EFHD1: variants seen among roughly 807,000 people sequenced by gnomAD.
EFHD1 encodes EF-hand domain-containing protein D1.
EFHD1 carries 10 observed loss-of-function variants against 17.2 expected under a neutral mutation model. That is an observed-to-expected ratio of 0.58 (90% confidence interval 0.36 to 0.99). The LOEUF (loss-of-function observed/expected upper bound fraction) is 0.99. Among genes scored for constraint, EFHD1 ranks in the 50% least tolerant of loss-of-function variants. The pLI, the probability that EFHD1 is intolerant of heterozygous loss-of-function variation, is 0.01. For synonymous variants in EFHD1, 153 were observed against 142.0 expected (o/e 1.08, Z -0.55); for missense variants, 310 against 327.5 (o/e 0.95, Z 0.41).
At chr2:232,624,860 A>G (rs1694080249) in intron 1 of EFHD1, among the ~76,000 whole-genome samples, 1 of 152,150 alleles carries the variant, frequency 6.6e-6, no homozygotes, top group Admixed American at 6.6e-5. Flanking sequence ...CTAGCCCTCA[A>G]TTCACTGTTA....
intron 3 of EFHD1, among the ~76,000 whole-genome samples, chr2:232,673,370 C>T (rs1315390830): frequency 6.6e-6 from 1 of 152,170 alleles, no homozygotes; most frequent in Non-Finnish European, 1.5e-5. Flanking sequence ...TGCTCCAGTG[C>T]AAGGTGATAC....
At chr2:232,625,090 G>A (rs1044028013) in intron 1 of EFHD1, among the ~76,000 whole-genome samples, 3 of 152,060 alleles carry the variant, frequency 2.0e-5, no homozygotes, top group African/African-American at 7.2e-5. Flanking sequence ...GGCCATAAAG[G>A]CAGGGATTTT....
chr2:232,661,152 A>AC (rs1488992701), intron 1 of EFHD1, among the ~76,000 whole-genome samples: 2 of 150,648 alleles, frequency 1.3e-5, no homozygotes, highest in African/African-American at 4.9e-5. Flanking sequence ...TGTCTCAAAA[A>AC]AAAAACAAAA....
chr2:232,629,884 T>C (rs1694173560), upstream of EFHD1, among the ~76,000 whole-genome samples: 1 of 152,238 alleles, frequency 6.6e-6, no homozygotes, highest in South Asian at 2.1e-4. Flanking sequence ...ATATTTGTTT[T>C]ACAAAACATG....
In EFHD1 at chr2:232,634,078, C is replaced by T. The variant is rs1236483318; in HGVS notation, c.302+72C>T. 1.6e-5 allele frequency: 25 copies of T among 1,571,418 alleles called. No individual in the cohort carries two copies. In the South Asian group the frequency reaches 2.7e-4, roughly 17 times the overall value. Reference sequence around the variant, plus strand: ...CGGGAGGGCTTTCTGGTCCGAAGTCCCGGGCCCTGTTTGTGTGGGGAGGGG... The same window carrying T: ...CGGGAGGGCTTTCTGGTCCGAAGTCTCGGGCCCTGTTTGTGTGGGGAGGGG... On this transcript the variant is annotated intron_variant, in intron 1 of 3. Transcript: ENST00000264059.
intron 2 of EFHD1, among the ~76,000 whole-genome samples, chr2:232,668,759 G>A (rs1423005695): frequency 1.3e-5 from 2 of 151,960 alleles, no homozygotes; most frequent in African/African-American, 4.8e-5. Context: ...TCAGCCTCCC[G>A]AGTAGCTGGG....
At chr2:232,657,899 CTTTT>C (rs1194396166) in intron 1 of EFHD1, among the ~76,000 whole-genome samples, 1 of 100,654 alleles carries the variant, frequency 9.9e-6, no homozygotes, top group Non-Finnish European at 2.0e-5. Context: ...TCTTTCTTTT[CTTTT>C]TTTTTTTTTT....
chr2:232,679,795 T>A (rs1695243802), intron 3 of EFHD1, among the ~76,000 whole-genome samples: 1 of 149,328 alleles, frequency 6.7e-6, no homozygotes, highest in South Asian at 2.1e-4. Context: ...AGGATATAAA[T>A]GGGCAATTTA....
chr2:232,660,495 A>C (rs567228138), intron 1 of EFHD1, among the ~76,000 whole-genome samples: 3 of 151,724 alleles, frequency 2.0e-5, no homozygotes, highest in East Asian at 1.9e-4. Context: ...CCACTGCGCC[A>C]GGCCTCTTTA....
In EFHD1 at chr2:232,633,647, C is replaced by T. The variant is rs958345007; in HGVS notation, c.-58C>T. The T allele has an allele frequency of 7.3e-6, 10 of 1,366,822 alleles. No homozygotes were observed. In the African/African-American group the frequency reaches 1.4e-4, roughly 19 times the overall value. 84.7% of individuals were successfully genotyped at this position (1,366,822 alleles called of 1,614,324 possible). A position where few individuals can be genotyped will look rare whatever the true frequency, so the allele number is the denominator to read the frequency against. ...GAGCCTGCGAGGAGCGCGCCGCCCGCCAGCTCCCTGCGTCCCGTCCCGCGT... is the reference window on the plus strand; with the variant it reads ...GAGCCTGCGAGGAGCGCGCCGCCCGTCAGCTCCCTGCGTCCCGTCCCGCGT... On this transcript the variant is annotated 5_prime_UTR_variant, in exon 1 of 4. Transcript: ENST00000264059.
In EFHD1 at chr2:232,662,430, C is replaced by T. The variant is rs117391093; in HGVS notation, c.303-372C>T. 5.6e-3 allele frequency among the ~76,000 whole-genome samples: 856 copies of T among 152,154 alleles called. 6 individuals carry two copies. The highest frequency in any genetic ancestry group is 0.031 in the East Asian group (158 of 5,162). On this transcript the variant is annotated intron_variant, in intron 1 of 3. Coordinates refer to ENST00000264059, the MANE Select transcript of EFHD1 (RefSeq NM_025202.4). ...AGCCCTTCCCTGTGAACGTGCTGGG[C>T]GTCAGGGGCCAGCTCCTGCAACCCC...
In EFHD1 at chr2:232,672,407, G is replaced by A. The variant is rs746106590; in HGVS notation, c.549G>A (p.Glu183=). 7 of 1,610,790 alleles carry A rather than the reference G, an allele frequency of 4.3e-6. No individual in the cohort carries two copies. The Admixed American group carries it at 1.2e-4, about 27-fold the overall frequency. Reference sequence around the variant, plus strand: ...TTTCTGAGATCGATGTGGCCCTGGAGGGTGTCAAAGGTGCCAAGAACTTCT... The same window carrying A: ...TTTCTGAGATCGATGTGGCCCTGGAAGGTGTCAAAGGTGCCAAGAACTTCT... ...AKLSEIDVAL[E]GVKGAKNFFE... Residue 183 remains glutamate (E), a synonymous_variant, in exon 3 of 4, where the codon GAG becomes GAA. Coordinates refer to ENST00000264059, the MANE Select transcript of EFHD1 (RefSeq NM_025202.4).
chr2:232,668,416 G>A (rs188574223), intron 2 of EFHD1, among the ~76,000 whole-genome samples: 1 of 152,212 alleles, frequency 6.6e-6, no homozygotes, highest in Admixed American at 6.5e-5. Context: ...CCCCAGACCT[G>A]AGGGTTCAGA....
chr2:232,672,608 G>A (rs548206006), intron 3 of EFHD1, among the ~76,000 whole-genome samples, 165 bp downstream of exon 3: 2 of 152,202 alleles, frequency 1.3e-5, no homozygotes, highest in African/African-American at 2.4e-5. Context: ...GTCCACCTGA[G>A]TTCAGACTCT....
At chr2:232,677,207 T>TACACACACAGACACACACAC (rs1695189410) in intron 3 of EFHD1, among the ~76,000 whole-genome samples, 1 of 131,266 alleles carries the variant, frequency 7.6e-6, no homozygotes, top group Non-Finnish European at 1.6e-5. Context: ...ACCCCATCTC[T>TACACACACAGACACACACAC]ACACACACAC....
intron 1 of EFHD1, chr2:232,638,621 G>C: frequency 8.3e-6 from 3 of 362,328 alleles, no homozygotes; most frequent in African/African-American, 2.1e-5. Flanking sequence ...AAGAGGTAAA[G>C]TGAGCCCTCT....
chr2:232,669,139 G>T (rs114664565), intron 2 of EFHD1, among the ~76,000 whole-genome samples: 1,545 of 152,214 alleles, frequency 0.01, 22 homozygotes, highest in African/African-American at 0.034. Flanking sequence ...CTGCTGCTTC[G>T]ATCTTTTCCA....
At chr2:232,624,259 C>T (rs73995827) in intron 1 of EFHD1, among the ~76,000 whole-genome samples, 1 of 152,102 alleles carries the variant, frequency 6.6e-6, no homozygotes, top group South Asian at 2.1e-4. Flanking sequence ...GCTAATCAGC[C>T]CCCTGGGGGT....
chr2:232,681,441 G>A (rs1243570577), intron 3 of EFHD1, 144 bp from the exon 4 acceptor site: 1 of 1,185,170 alleles, frequency 8.4e-7, no homozygotes, highest in Non-Finnish European at 1.2e-6. Context: ...CACGGAAAGA[G>A]TGCTTGCTGG....
Sources: allele counts gnomAD v4.1 joint callset (sites outside exome capture counted in the v4.1 genomes callset), GRCh38; gene constraint gnomAD v4.1.1; transcripts MANE v1.5; gene names NCBI Gene and HGNC (gene_info 2026-07-23, HGNC 2026-07-21).